The following ARNT2 variants were observed in gnomAD, a reference collection of about 807,000 sequenced individuals.
ARNT2 encodes aryl hydrocarbon receptor nuclear translocator 2, also known as ARNT protein 2.
ARNT2 carries 36 observed loss-of-function variants against 91.7 expected under a neutral mutation model. The observed-to-expected ratio is 0.39, with a 90% confidence interval of 0.30 to 0.52. The LOEUF (loss-of-function observed/expected upper bound fraction) is 0.52. Ranked by LOEUF, ARNT2 falls within the 20% of genes least tolerant of loss-of-function variation. The pLI, the probability that ARNT2 is intolerant of heterozygous loss-of-function variation, is 0.72. For synonymous variants in ARNT2, 365 were observed against 347.1 expected, an observed-to-expected ratio of 1.05 and a Z score of -0.57; for missense variants, 775 against 939.3, an observed-to-expected ratio of 0.83 and a Z score of 2.29.
At chr15:80,453,600 T>C (rs893830798) in intron 2 of ARNT2, among the ~76,000 whole-genome samples, 1 of 152,162 alleles carries the variant, frequency 6.6e-6, no homozygotes, top group East Asian at 1.9e-4. Context: ...AACACTTAAC[T>C]AAGTACAAAG....
chr15:80,416,252 C>A (rs1408739624), intron 1 of ARNT2, among the ~76,000 whole-genome samples: 2 of 152,052 alleles, frequency 1.3e-5, no homozygotes, highest in Non-Finnish European at 2.9e-5. Context: ...CCCCCAGATT[C>A]CCCCATTGTG....
chr15:80,573,542 A>C (rs1220436580), intron 12 of ARNT2, among the ~76,000 whole-genome samples: 1 of 152,200 alleles, frequency 6.6e-6, no homozygotes, highest in Non-Finnish European at 1.5e-5. Context: ...CCTTGAAAAC[A>C]ATCCAGTAAA....
At position 80,591,712 on chromosome 15, in the gene ARNT2, G is replaced by A. The variant is rs1196209408; in HGVS notation, c.2055+8G>A. 3.1e-6 allele frequency: 5 copies of A among 1,613,664 alleles called. No homozygotes were observed. The East Asian group carries it at 8.9e-5, about 29-fold the overall frequency. ...CAGACTGAAGTGTTCCAGGTAAATC[G>A]AGCGAGCACCGCCTTCTCGTAGGTA... is the stretch of plus-strand genomic sequence containing the variant. On this transcript the variant is annotated splice_region_variant and intron_variant, in intron 18 of 18. Coordinates refer to ENST00000303329, the MANE Select transcript of ARNT2 (RefSeq NM_014862.4). The surrounding 1 kb of genome is among the most constrained non-coding windows in gnomAD (Gnocchi z 5.1).
chr15:80,568,106 C>G (rs886156254), intron 12 of ARNT2, among the ~76,000 whole-genome samples: 2 of 152,172 alleles, frequency 1.3e-5, no homozygotes, highest in Non-Finnish European at 2.9e-5. Flanking sequence ...AAGAAGACCT[C>G]TTTATCATCC....
chr15:80,414,553 A>G (rs968326280), intron 1 of ARNT2, among the ~76,000 whole-genome samples: 1 of 152,240 alleles, frequency 6.6e-6, no homozygotes, highest in Non-Finnish European at 1.5e-5. Context: ...GAAATCCGTG[A>G]TGGAAGTTAA....
intron 1 of ARNT2, among the ~76,000 whole-genome samples, chr15:80,435,524 C>T (rs1354821556): frequency 6.6e-6 from 1 of 152,122 alleles, no homozygotes; most frequent in Non-Finnish European, 1.5e-5. Context: ...AACCATTTGC[C>T]TCCCAGTCCA....
chr15:80,571,710 G>A (rs115592504), intron 12 of ARNT2, among the ~76,000 whole-genome samples: 243 of 152,290 alleles, frequency 1.6e-3, no homozygotes, highest in African/African-American at 5.5e-3. Flanking sequence ...CCTAGGGATG[G>A]TCATGGCTTC....
intron 5 of ARNT2, among the ~76,000 whole-genome samples, chr15:80,483,617 G>C (rs567957791): frequency 5.9e-5 from 9 of 152,204 alleles, no homozygotes; most frequent in African/African-American, 2.2e-4. Flanking sequence ...ACCAGGGTCC[G>C]CACCAAGTTT....
Position 80,578,722 on chromosome 15 carries a change from G to A in ARNT2, c.1614-1689G>A, listed in dbSNP as rs944311416. ...TGGGGAAGGAATCCAAGGAACGTCC[G>A]AACACCTGTGCAGAGCCTGGCATAG... On this transcript the variant is annotated intron_variant, in intron 15 of 18. Transcript: ENST00000303329. Among the ~76,000 whole-genome samples the A allele has an allele frequency of 5.3e-5, 8 of 152,112 alleles. No individual in the cohort carries two copies. In the East Asian group the frequency reaches 1.4e-3, roughly 26 times the overall value.
chr15:80,484,764 C>CA (rs1896941799), intron 5 of ARNT2, among the ~76,000 whole-genome samples: 1 of 152,210 alleles, frequency 6.6e-6, no homozygotes, highest in Non-Finnish European at 1.5e-5. Flanking sequence ...GGCCTCCCTG[C>CA]ACACAGTGAG....
chr15:80,597,384 G>A lies in ARNT2; in HGVS notation c.*3686G>A. ...TGTCCTTTATATTACCAGAAAATAT[G>A]GGCTTGGCCTAAGTCGCTGTCTCCT... On this transcript the variant is annotated 3_prime_UTR_variant, in exon 19 of 19. Transcript: ENST00000303329. 2.1e-6 allele frequency: 1 copy of A among 484,638 alleles called. No individual in the cohort carries two copies. The highest frequency in any genetic ancestry group is 4.1e-6 in the Non-Finnish European group (1 of 241,084). The allele number at this position is 484,638 out of a possible 1,614,324, so 30.0% of individuals were successfully genotyped here.
intron 8 of ARNT2, among the ~76,000 whole-genome samples, chr15:80,539,610 A>G (rs1169869469): frequency 6.6e-6 from 1 of 152,258 alleles, no homozygotes; most frequent in East Asian, 1.9e-4. Context: ...GAAATAAAAT[A>G]TAATTACTTA....
intron 3 of ARNT2, among the ~76,000 whole-genome samples, chr15:80,461,807 C>G (rs1402872235): frequency 6.6e-6 from 1 of 152,144 alleles, no homozygotes; most frequent in African/African-American, 2.4e-5. Flanking sequence ...AGTCGCAGAG[C>G]CAGCCTTTCT....
chr15:80,486,838 T>C (rs754180837), intron 5 of ARNT2, among the ~76,000 whole-genome samples: 3 of 152,166 alleles, frequency 2.0e-5, no homozygotes, highest in Non-Finnish European at 4.4e-5. Flanking sequence ...CTGTGGGTGG[T>C]GTGGGATTTG....
intron 3 of ARNT2, among the ~76,000 whole-genome samples, chr15:80,460,814 T>C (rs1223214457): frequency 6.6e-6 from 1 of 151,954 alleles, no homozygotes; most frequent in Non-Finnish European, 1.5e-5. Flanking sequence ...TACATCCATG[T>C]GAGGAGGAGA....
At chr15:80,508,084 C>G in intron 5 of ARNT2, 72 bp from the exon 6 acceptor site, 3 of 1,441,284 alleles carry the variant, frequency 2.1e-6, no homozygotes, top group Non-Finnish European at 2.9e-6. Flanking sequence ...GGAGAAAGCA[C>G]TCCCCGAACT....
intron 6 of ARNT2, among the ~76,000 whole-genome samples, chr15:80,513,345 A>G (rs781035423): frequency 1.3e-5 from 2 of 152,086 alleles, no homozygotes; most frequent in Non-Finnish European, 2.9e-5. Flanking sequence ...CTACCTGTTT[A>G]TCTCTCATCC....
chr15:80,556,428 G>C (rs1303743940), intron 11 of ARNT2: 1 of 152,388 alleles, frequency 6.6e-6, no homozygotes, highest in Non-Finnish European at 1.5e-5. Flanking sequence ...TGGAAACAAA[G>C]ACAAGAGGCT....
At chr15:80,516,513 G>A (rs893610798) in intron 8 of ARNT2, among the ~76,000 whole-genome samples, 1 of 151,876 alleles carries the variant, frequency 6.6e-6, no homozygotes, top group Non-Finnish European at 1.5e-5. Flanking sequence ...CTGTTAGCAT[G>A]GTATATCTTT....
Sources: allele counts gnomAD v4.1 joint callset (sites outside exome capture counted in the v4.1 genomes callset), GRCh38; gene constraint gnomAD v4.1.1; non-coding constraint Gnocchi (gnomAD v3.1); transcripts MANE v1.5; gene names NCBI Gene and HGNC (gene_info 2026-07-23, HGNC 2026-07-21).